Variants in CCDC91 observed in about 807,000 individuals in gnomAD.
CCDC91 encodes coiled-coil domain-containing protein 91.
Under a neutral mutation model 63.2 loss-of-function variants are expected in CCDC91, and 48 were observed. That is an observed-to-expected ratio of 0.76 (90% CI 0.60 to 0.97). The LOEUF is 0.97. Among genes scored for constraint, CCDC91 ranks in the 50% least tolerant of loss-of-function variants. The pLI is 0.00. For synonymous variants in CCDC91, 167 were observed against 165.8 expected (o/e 1.01, Z -0.06); for missense variants, 500 against 494.6 (o/e 1.01, Z -0.10).
chr12:28,344,797 T>C (rs566177358), intron 6 of CCDC91, among the ~76,000 whole-genome samples: 2 of 152,262 alleles, frequency 1.3e-5, no homozygotes, highest in Non-Finnish European at 2.9e-5. Context: ...TCCACTATTT[T>C]CTCCCTCAGT....
intron 12 of CCDC91, among the ~76,000 whole-genome samples, chr12:28,535,531 A>G (rs894663519): frequency 2.0e-5 from 3 of 152,226 alleles, no homozygotes; most frequent in African/African-American, 4.8e-5. Flanking sequence ...TGACTAATTC[A>G]TATGGTATTT....
chr12:28,234,727 G>A (rs1160858393), intron 1 of CCDC91, among the ~76,000 whole-genome samples: 1 of 151,470 alleles, frequency 6.6e-6, no homozygotes, highest in East Asian at 1.9e-4. Flanking sequence ...CAAAGAACTT[G>A]TAGCATGGAT....
At chr12:28,458,644 A>G (rs1950170979) in intron 11 of CCDC91, among the ~76,000 whole-genome samples, 1 of 151,294 alleles carries the variant, frequency 6.6e-6, no homozygotes, top group Non-Finnish European at 1.5e-5. Flanking sequence ...TAATTTTTGT[A>G]TTTTTAGTAG....
chr12:28,479,760 A>G (rs1211626898), intron 11 of CCDC91, among the ~76,000 whole-genome samples: 1 of 152,060 alleles, frequency 6.6e-6, no homozygotes, highest in African/African-American at 2.4e-5. Context: ...CTTTGCCCAT[A>G]TAGGAAGGAA....
At chr12:28,454,092 A>C (rs73085967) in intron 11 of CCDC91, among the ~76,000 whole-genome samples, 16,496 of 152,184 alleles carry the variant, frequency 0.11, 2,425 homozygotes, top group African/African-American at 0.33. Context: ...AATTATATTA[A>C]TTTCCTTACA....
intron 11 of CCDC91, among the ~76,000 whole-genome samples, chr12:28,453,813 G>A (rs1345997694): frequency 6.6e-6 from 1 of 152,084 alleles, no homozygotes; most frequent in East Asian, 1.9e-4. Context: ...TTATTCGGGA[G>A]AGTTTATTTA....
chr12:28,390,114 CA>C (rs1371202158), intron 7 of CCDC91, among the ~76,000 whole-genome samples: 1 of 152,078 alleles, frequency 6.6e-6, no homozygotes, highest in Non-Finnish European at 1.5e-5. Context: ...GGAGTAGTAG[CA>C]TCATCAGAGA....
At chr12:28,408,645 AT>A (rs929457900) in intron 8 of CCDC91, among the ~76,000 whole-genome samples, 1 of 151,552 alleles carries the variant, frequency 6.6e-6, no homozygotes, top group Admixed American at 6.6e-5. Context: ...TTATTTTTTT[AT>A]TTTTTTATTT....
intron 12 of CCDC91, among the ~76,000 whole-genome samples, chr12:28,496,943 C>T (rs867025106): frequency 0.017 from 2,384 of 138,060 alleles, 26 homozygotes; most frequent in South Asian, 0.031. Context: ...TATATATATA[C>T]ATATATATAT....
chr12:28,281,346 A>G (rs1948599568), intron 3 of CCDC91, among the ~76,000 whole-genome samples: 1 of 152,178 alleles, frequency 6.6e-6, no homozygotes, highest in South Asian at 2.1e-4. Context: ...CTGTTCCATC[A>G]GGAAGGGCGG....
At chr12:28,231,844 T>G (rs1285939916) in intron 1 of CCDC91, among the ~76,000 whole-genome samples, 1 of 152,176 alleles carries the variant, frequency 6.6e-6, no homozygotes, top group Non-Finnish European at 1.5e-5. Context: ...GGTTTTATGT[T>G]AAGTGAATCT....
intron 12 of CCDC91, among the ~76,000 whole-genome samples, chr12:28,515,905 A>G (rs1939890547): frequency 6.6e-6 from 1 of 151,876 alleles, no homozygotes; most frequent in African/African-American, 2.4e-5. Context: ...TCCAGTCACT[A>G]CTATCCCCTC....
chr12:28,436,873 T>C (rs942502761), intron 8 of CCDC91, among the ~76,000 whole-genome samples: 5 of 151,966 alleles, frequency 3.3e-5, no homozygotes, highest in Non-Finnish European at 7.4e-5. Flanking sequence ...TCCAATCTTG[T>C]AGTTTAAAAT....
At chr12:28,336,240 T>C (rs1376446485) in intron 6 of CCDC91, among the ~76,000 whole-genome samples, 1 of 152,076 alleles carries the variant, frequency 6.6e-6, no homozygotes, top group Non-Finnish European at 1.5e-5. Context: ...CTAGCCTGGT[T>C]AGTTGTGAGC....
intron 8 of CCDC91, among the ~76,000 whole-genome samples, chr12:28,434,534 T>G (rs1449454206): frequency 6.6e-6 from 1 of 151,010 alleles, no homozygotes; most frequent in African/African-American, 2.4e-5. Flanking sequence ...ATTTGCTAAT[T>G]TTTGAATTTA....
intron 6 of CCDC91, among the ~76,000 whole-genome samples, chr12:28,314,607 T>C (rs1398675175): frequency 6.8e-6 from 1 of 147,692 alleles, no homozygotes; most frequent in African/African-American, 2.5e-5. Context: ...AAGCATCACT[T>C]GAAGACATTC....
At chr12:28,459,659 A>G (rs1245480603) in intron 11 of CCDC91, among the ~76,000 whole-genome samples, 1 of 151,816 alleles carries the variant, frequency 6.6e-6, no homozygotes, top group African/African-American at 2.4e-5. Flanking sequence ...GTCAAGGATA[A>G]TTACTTTCAG....
intron 1 of CCDC91, among the ~76,000 whole-genome samples, chr12:28,221,423 C>T (rs1305126479): frequency 6.6e-6 from 1 of 152,088 alleles, no homozygotes. Context: ...TTTTCTGATT[C>T]TTTATATGAC....
intron 8 of CCDC91, among the ~76,000 whole-genome samples, chr12:28,405,503 T>C (rs1478591372): frequency 1.3e-5 from 2 of 152,224 alleles, no homozygotes; most frequent in Non-Finnish European, 2.9e-5. Flanking sequence ...GTTTCAAGCG[T>C]CTGACCTATA....
Sources: gnomAD v4.1 joint callset for allele counts (sites outside exome capture counted in the v4.1 genomes callset) on GRCh38, gnomAD v4.1.1 for gene constraint, MANE v1.5 for transcripts, NCBI Gene and HGNC (gene_info 2026-07-23, HGNC 2026-07-21) for gene names.